Variants in FMNL2 observed in about 807,000 individuals in gnomAD.
The protein encoded by FMNL2 is formin-like protein 2.
A neutral mutation model predicts 130.2 loss-of-function variants in FMNL2; 51 were observed. That is an observed-to-expected ratio of 0.39 (90% CI 0.31 to 0.49). The LOEUF (loss-of-function observed/expected upper bound fraction) is 0.49, where lower values mean the gene tolerates loss of function less well. Among genes scored for constraint, FMNL2 ranks in the 20% least tolerant of loss-of-function variants. The pLI, the probability that FMNL2 is intolerant of heterozygous loss-of-function variation, is 0.85. For missense variants in FMNL2, 977 were observed against 1,316.2 expected (o/e 0.74, Z 3.99); for synonymous variants, 465 against 467.1 (o/e 1.00, Z 0.06).
intron 1 of FMNL2, among the ~76,000 whole-genome samples, chr2:152,359,237 CT>C (rs1048778909): frequency 3.9e-5 from 6 of 152,080 alleles, no homozygotes; most frequent in African/African-American, 7.2e-5. Flanking sequence ...TTTATAGAGT[CT>C]TTTTTTGTGC....
chr2:152,638,580 A>G (rs936288031), intron 23 of FMNL2, among the ~76,000 whole-genome samples: 3 of 152,362 alleles, frequency 2.0e-5, no homozygotes, highest in Admixed American at 6.5e-5. Context: ...TTCTTAGCCC[A>G]TCTTCCCTCA....
At chr2:152,338,818 G>GACACACACACACACACACACACACAC (rs767062578) in intron 1 of FMNL2, among the ~76,000 whole-genome samples, 2 of 60,320 alleles carry the variant, frequency 3.3e-5, no homozygotes, top group Non-Finnish European at 1.0e-4. Context: ...TGGAAGGTGA[G>GACACACACACACACACACACACACAC]ATACACACAC....
At chr2:152,364,600 CT>C (rs1459896128) in intron 1 of FMNL2, among the ~76,000 whole-genome samples, 1 of 152,150 alleles carries the variant, frequency 6.6e-6, no homozygotes, top group African/African-American at 2.4e-5. Flanking sequence ...ATACATTAAT[CT>C]ATTTAGATAT....
At chr2:152,507,101 G>A (rs1007927013) in intron 1 of FMNL2, among the ~76,000 whole-genome samples, 6 of 152,144 alleles carry the variant, frequency 3.9e-5, no homozygotes, top group African/African-American at 1.4e-4. Flanking sequence ...TGGCTTGTGC[G>A]GTCTCTGATT....
In FMNL2 at chr2:152,571,410, G is replaced by A. The variant is rs139996314; in HGVS notation, c.597-3726G>A. 8.6e-4 allele frequency among the ~76,000 whole-genome samples: 131 copies of A among 152,342 alleles called. 4 individuals carry two copies. In the East Asian group the frequency reaches 0.024, roughly 28 times the overall value. On this transcript the variant is annotated intron_variant, in intron 6 of 25. Coordinates refer to ENST00000288670, the MANE Select transcript of FMNL2 (RefSeq NM_052905.4). ...GGGAGTCCATGGAGAAACTGATGCTGCCTCTCACTGGAGCTTTTAAAGTAT... is the reference window on the plus strand; with the variant it reads ...GGGAGTCCATGGAGAAACTGATGCTACCTCTCACTGGAGCTTTTAAAGTAT...
In FMNL2 at chr2:152,479,715, GTTGTTT is replaced by G. The variant is rs1400543944; in HGVS notation, c.118-42225_118-42220del. 6.6e-3 allele frequency among the ~76,000 whole-genome samples: 781 copies of G among 117,990 alleles called. 5 individuals are homozygous for G. Among genetic ancestry groups the G allele is most frequent in the African/African-American group, 0.024 (736 of 30,360 alleles). The allele number at this position is 117,990 out of a possible 152,430, so 77.4% of individuals were successfully genotyped here. ...ATTGATGGATTCATGGATGTTGTGG[GTTGTTT>G]TTTTTTTTTTTTTTTTTTTTACTCT... is the stretch of plus-strand genomic sequence containing the variant. On this transcript the variant is annotated intron_variant, in intron 1 of 25. Coordinates refer to ENST00000288670, the MANE Select transcript of FMNL2 (RefSeq NM_052905.4).
In FMNL2 at chr2:152,335,578, G is replaced by C; in HGVS notation, c.-26G>C. The C allele has an allele frequency of 2.5e-6, 4 of 1,568,712 alleles. No homozygotes were observed. Among genetic ancestry groups the C allele is most frequent in the Non-Finnish European group, 3.5e-6 (4 of 1,154,316 alleles). Reference sequence around the variant, plus strand: ...ACGCGCACGCTAGGGGCCCGGAGCAGCCCCCGGCCCCGGCGCGCCGCCGAC... The same window carrying C: ...ACGCGCACGCTAGGGGCCCGGAGCACCCCCCGGCCCCGGCGCGCCGCCGAC... On this transcript the variant is annotated 5_prime_UTR_variant, in exon 1 of 26. Coordinates refer to ENST00000288670, the MANE Select transcript of FMNL2 (RefSeq NM_052905.4).
intron 2 of FMNL2, among the ~76,000 whole-genome samples, chr2:152,529,559 C>T (rs1472015529): frequency 2.6e-5 from 4 of 152,176 alleles, no homozygotes; most frequent in Non-Finnish European, 5.9e-5. Context: ...CTCCAGGTCT[C>T]TGATTCTTTG....
chr2:152,521,842 G>A (rs1193055975), intron 1 of FMNL2, 101 bp from the exon 2 acceptor site: 2 of 881,362 alleles, frequency 2.3e-6, no homozygotes, highest in Non-Finnish European at 3.7e-6. Flanking sequence ...AGAAAGTCAT[G>A]AAAAAACCAT....
intron 2 of FMNL2, among the ~76,000 whole-genome samples, chr2:152,530,546 C>T (rs1293714821): frequency 1.3e-5 from 2 of 152,152 alleles, no homozygotes; most frequent in African/African-American, 2.4e-5. Flanking sequence ...TTAACTTCAC[C>T]TTGTGAAGCG....
chr2:152,360,792 A>G (rs889332686), intron 1 of FMNL2, among the ~76,000 whole-genome samples: 3 of 152,210 alleles, frequency 2.0e-5, no homozygotes, highest in African/African-American at 7.2e-5. Context: ...TTAGGTGGAA[A>G]AGATGTACTA....
intron 1 of FMNL2, among the ~76,000 whole-genome samples, chr2:152,508,842 C>A (rs1692327904): frequency 6.6e-6 from 1 of 152,072 alleles, no homozygotes; most frequent in African/African-American, 2.4e-5. Flanking sequence ...ATCCTGCCAC[C>A]CCCCGCCCAT....
At chr2:152,562,140 A>T (rs1443373762) in intron 6 of FMNL2, among the ~76,000 whole-genome samples, 3 of 152,248 alleles carry the variant, frequency 2.0e-5, no homozygotes, top group Non-Finnish European at 2.9e-5. Flanking sequence ...CAGAGATATC[A>T]TCTAGAACAA....
chr2:152,583,690 G>C (rs374428783), intron 9 of FMNL2, among the ~76,000 whole-genome samples: 5 of 152,298 alleles, frequency 3.3e-5, no homozygotes, highest in African/African-American at 1.2e-4. Context: ...GGAGAAACCT[G>C]GATCAAATCC....
intron 9 of FMNL2, among the ~76,000 whole-genome samples, chr2:152,591,887 A>G (rs1359974541): frequency 6.6e-6 from 1 of 152,122 alleles, no homozygotes; most frequent in Non-Finnish European, 1.5e-5. Flanking sequence ...GGTGATCACA[A>G]GGTCTGGAGT....
chr2:152,515,942 T>C (rs1692741108), intron 1 of FMNL2, among the ~76,000 whole-genome samples: 2 of 152,204 alleles, frequency 1.3e-5, no homozygotes, highest in Non-Finnish European at 2.9e-5. Flanking sequence ...AGGATTCAAA[T>C]AGTGTGGTTT....
intron 9 of FMNL2, among the ~76,000 whole-genome samples, chr2:152,593,436 G>T (rs1215468771): frequency 1.3e-5 from 2 of 152,192 alleles, no homozygotes; most frequent in Admixed American, 6.5e-5. Context: ...GGAGTATTGT[G>T]TAGCTCTGCA....
intron 23 of FMNL2, 22 bp downstream of exon 23, chr2:152,637,696 G>GAGATGTGA: frequency 6.2e-7 from 1 of 1,604,406 alleles, no homozygotes; most frequent in African/African-American, 1.3e-5. Context: ...GGCCCTCCTT[G>GAGATGTGA]CCCTTATTTC....
At position 152,455,971 on chromosome 2, in the gene FMNL2, C is replaced by T. The variant is rs1688933566; in HGVS notation, c.118-65972C>T. Among the ~76,000 whole-genome samples, 3 of 152,358 alleles carry T rather than the reference C, an allele frequency of 2.0e-5. No individual in the cohort carries two copies. In the South Asian group the frequency reaches 6.2e-4, roughly 32 times the overall value. On this transcript the variant is annotated intron_variant, in intron 1 of 25. Coordinates refer to ENST00000288670, the MANE Select transcript of FMNL2 (RefSeq NM_052905.4). ...CCTCAATTGATCCTCCCACCTCGGC[C>T]TCCCGAAGTGTTGGGATTACAGGCA...
Sources: allele counts gnomAD v4.1 joint callset (sites outside exome capture counted in the v4.1 genomes callset), GRCh38; gene constraint gnomAD v4.1.1; transcripts MANE v1.5; gene names NCBI Gene and HGNC (gene_info 2026-07-23, HGNC 2026-07-21).